N4BP1: variants seen among roughly 807,000 people sequenced by gnomAD.
N4BP1 encodes NEDD4-binding protein 1.
In N4BP1, 21 loss-of-function variants were observed where a neutral mutation model predicts 70.9. The ratio of observed to expected loss-of-function variants is 0.30; its 90% CI spans 0.21 to 0.43. N4BP1 has a LOEUF of 0.43. N4BP1 is among the 20% of genes least tolerant of loss of function. The pLI, the probability that N4BP1 is intolerant of heterozygous loss-of-function variation, is 1.00. For missense variants in N4BP1, 936 were observed against 1,069.4 expected, an observed-to-expected ratio of 0.88 and a Z score of 1.74; for synonymous variants, 387 against 394.6, an observed-to-expected ratio of 0.98 and a Z score of 0.23.
chr16:48,583,499 T>C (rs1237496048), intron 1 of N4BP1, among the ~76,000 whole-genome samples: 7 of 152,310 alleles, frequency 4.6e-5, no homozygotes, highest in Admixed American at 2.6e-4. Flanking sequence ...ATGGTGACTA[T>C]AGTTAATGAC....
At position 48,604,096 on chromosome 16, in the gene N4BP1, T is replaced by G. The variant is rs554293702; in HGVS notation, c.198+5679A>C. On this transcript the variant is annotated intron_variant, in intron 1 of 6. Transcript: ENST00000262384. ...TATCTAACCTTCCTTGGCCCTTACT[T>G]CATCCCAGTCCTTTTAAGTTCTTAA... Among the ~76,000 whole-genome samples the G allele has an allele frequency of 1.1e-4, 16 of 152,340 alleles. No homozygotes were observed. The East Asian group carries it at 2.7e-3, about 26-fold the overall frequency.
intron 1 of N4BP1, chr16:48,577,870 G>C (rs1463833933): frequency 6.4e-6 from 1 of 157,018 alleles, no homozygotes; most frequent in Non-Finnish European, 1.4e-5. Flanking sequence ...GCAAGGGATG[G>C]TGTGGGGCTT....
intron 1 of N4BP1, among the ~76,000 whole-genome samples, chr16:48,603,359 C>T (rs959956982): frequency 6.6e-6 from 1 of 151,852 alleles, no homozygotes; most frequent in African/African-American, 2.4e-5. Context: ...ACTGGCTAGG[C>T]CTCTCGGTGG....
chr16:48,582,417 C>T (rs765097227), intron 1 of N4BP1, among the ~76,000 whole-genome samples: 13 of 151,986 alleles, frequency 8.6e-5, no homozygotes, highest in Admixed American at 2.6e-4. Context: ...GTTATCAGAT[C>T]GACTGTAGCA....
At chr16:48,585,114 A>G (rs1344684041) in intron 1 of N4BP1, among the ~76,000 whole-genome samples, 1 of 151,924 alleles carries the variant, frequency 6.6e-6, no homozygotes, top group Non-Finnish European at 1.5e-5. Context: ...TTGTACTTTT[A>G]GTAGAGATGG....
chr16:48,610,076 C>T lies in N4BP1; in HGVS notation c.-104G>A. On this transcript the variant is annotated 5_prime_UTR_variant, in exon 1 of 7. Transcript: ENST00000262384. ...CCAGTCAGGCGGCGTCGGCCCTTCC[C>T]GGCCGCCTCGCCCCCGCCCGCGCCC... is the stretch of plus-strand genomic sequence containing the variant. 1.7e-6 allele frequency: 1 copy of T among 599,316 alleles called. No individual in the cohort carries two copies. The highest frequency in any genetic ancestry group is 2.1e-6 in the Non-Finnish European group (1 of 473,836). 37.1% of individuals were successfully genotyped at this position (599,316 alleles called of 1,614,324 possible). A position where few individuals can be genotyped will look rare whatever the true frequency, so the allele number is the denominator to read the frequency against.
Position 48,561,387 on chromosome 16 carries a change from T to C in N4BP1, c.1256A>G (p.Asn419Ser), listed in dbSNP as rs368364716. 6.2e-7 allele frequency: 1 copy of C among 1,613,850 alleles called. No homozygotes were observed. Among genetic ancestry groups the C allele is most frequent in the African/African-American group, 1.3e-5 (1 of 74,940 alleles). ...TKNKGVYSST[N>S]ELTTDSTPKK... ...TGGAGTGGAATCAGTTGTAAGCTCA[T>C]TTGTGCTGCTATAAACACCTTTATT... The change falls in exon 2 of 7, where the codon AAT (asparagine) becomes AGT (serine). Residue 419 changes from asparagine (N) to serine (S), a missense_variant. Coordinates refer to ENST00000262384, the MANE Select transcript of N4BP1 (RefSeq NM_153029.4).
chr16:48,606,744 G>A (rs1317328650), intron 1 of N4BP1, among the ~76,000 whole-genome samples: 1 of 152,116 alleles, frequency 6.6e-6, no homozygotes, highest in African/African-American at 2.4e-5. Context: ...ATTTGCAAAA[G>A]GCAGTGAATT....
intron 1 of N4BP1, among the ~76,000 whole-genome samples, chr16:48,599,541 T>C (rs1295279362): frequency 6.6e-6 from 1 of 152,312 alleles, no homozygotes. Context: ...CTGTACTCAT[T>C]TCCTCCAATG....
At chr16:48,602,796 AAAATAAATAAAT>A (rs142256457) in intron 1 of N4BP1, among the ~76,000 whole-genome samples, 20 of 146,774 alleles carry the variant, frequency 1.4e-4, no homozygotes, top group South Asian at 6.5e-4. Context: ...ATAAAAAATA[AAAATAAATAAAT>A]AAATAAATAA....
intron 2 of N4BP1, among the ~76,000 whole-genome samples, chr16:48,559,471 G>C (rs926331097): frequency 6.6e-6 from 1 of 152,144 alleles, no homozygotes; most frequent in African/African-American, 2.4e-5. Flanking sequence ...AAAATCAATG[G>C]TGTTAAATTA....
intron 1 of N4BP1, chr16:48,587,301 G>A (rs2151097647): frequency 6.6e-6 from 1 of 152,252 alleles, no homozygotes; most frequent in East Asian, 1.9e-4. Context: ...TACACCAAAG[G>A]ATTCAGTCGA....
Position 48,561,986 on chromosome 16 carries a change from A to C in N4BP1, c.657T>G (p.Ala219=). The C allele has an allele frequency of 3.1e-6, 5 of 1,613,952 alleles. No homozygotes were observed. Among genetic ancestry groups the C allele is most frequent in the Non-Finnish European group, 4.2e-6 (5 of 1,179,886 alleles). ...DSQQTEFTQN[A]ATGLNISRDE... Reference sequence around the variant, plus strand: ...CTCTAGAAATATTCAGCCCTGTGGCAGCATTCTGTGTAAACTCTGTTTGTT... The same window carrying C: ...CTCTAGAAATATTCAGCCCTGTGGCCGCATTCTGTGTAAACTCTGTTTGTT... Residue 219 remains alanine (A), a synonymous_variant, in exon 2 of 7, where the codon GCT becomes GCG. Transcript: ENST00000262384.
Position 48,597,451 on chromosome 16 carries a change from C to T in N4BP1, c.198+12324G>A, listed in dbSNP as rs181257314. Among the ~76,000 whole-genome samples the T allele has an allele frequency of 3.1e-4, 47 of 152,276 alleles. 1 individual carries two copies. In the South Asian group the frequency reaches 6.6e-3, roughly 21 times the overall value. On this transcript the variant is annotated intron_variant, in intron 1 of 6. Coordinates refer to ENST00000262384, the MANE Select transcript of N4BP1 (RefSeq NM_153029.4). ...CCGAAAGTCATGTAGCAGTAGACACCGAAAATTTGCATCCCTATTTTCCTG... is the reference window on the plus strand; with the variant it reads ...CCGAAAGTCATGTAGCAGTAGACACTGAAAATTTGCATCCCTATTTTCCTG...
intron 1 of N4BP1, among the ~76,000 whole-genome samples, chr16:48,568,938 T>C (rs1963978770): frequency 6.6e-6 from 1 of 152,380 alleles, no homozygotes. Context: ...TTTGCCAAAC[T>C]TGAAATGTCT....
intron 5 of N4BP1, among the ~76,000 whole-genome samples, chr16:48,546,841 C>T (rs571576982): frequency 1.3e-5 from 2 of 152,324 alleles, no homozygotes; most frequent in East Asian, 3.9e-4. Flanking sequence ...CTGAAAGCAA[C>T]AGCTTGGCTG....
Position 48,560,933 on chromosome 16 carries a change from C to G in N4BP1, c.1710G>C (p.Leu570=). 1.2e-6 allele frequency: 2 copies of G among 1,613,958 alleles called. No homozygotes were observed. Among genetic ancestry groups the G allele is most frequent in the Non-Finnish European group, 1.7e-6 (2 of 1,179,880 alleles). The change falls in exon 2 of 7, where the codon CTG becomes CTC. Residue 570 remains leucine, a synonymous_variant. Coordinates refer to ENST00000262384, the MANE Select transcript of N4BP1 (RefSeq NM_153029.4). ...TLSPPMPLPQ[L]LPSVTDARSA... is the part of the protein sequence containing the mutation. ...ACCTTGCATCAGTAACCGAAGGTAA[C>G]AGCTGGGGCAGTGGCATTGGTGGAG...
intron 5 of N4BP1, 103 bp downstream of exon 5, chr16:48,547,904 T>C: frequency 1.3e-6 from 1 of 759,126 alleles, no homozygotes; most frequent in South Asian, 1.6e-5. Context: ...TATTGCCTTC[T>C]GTGGAGCCAA....
At chr16:48,594,411 G>A (rs1392432236) in intron 1 of N4BP1, among the ~76,000 whole-genome samples, 3 of 152,176 alleles carry the variant, frequency 2.0e-5, no homozygotes, top group Non-Finnish European at 4.4e-5. Flanking sequence ...CTGGAGTGCA[G>A]TGGCACAATC....
Sources: gnomAD v4.1 joint callset for allele counts (sites outside exome capture counted in the v4.1 genomes callset) on GRCh38, gnomAD v4.1.1 for gene constraint, MANE v1.5 for transcripts, NCBI Gene and HGNC (gene_info 2026-07-23, HGNC 2026-07-21) for gene names.